Variants in NEB observed in about 807,000 individuals in gnomAD.
NEB encodes the protein nebulin, also known as nemaline myopathy type 2.
In NEB, 512 loss-of-function variants were observed where a neutral mutation model predicts 952.2. The observed-to-expected ratio is 0.54, with a 90% CI of 0.50 to 0.58. NEB has a LOEUF of 0.58. Among genes scored for constraint, NEB ranks in the 20% least tolerant of loss-of-function variants. The probability of loss-of-function intolerance (pLI) is 0.00; values close to 1 mark genes in which losing one functional copy is unlikely to be tolerated. For synonymous variants in NEB, 2,900 were observed against 3,149.8 expected (o/e 0.92, Z 2.66); for missense variants, 8,428 against 9,231.1 (o/e 0.91, Z 3.56).
Position 151,666,374 on chromosome 2 carries a change from C to A in NEB, c.4747G>T (p.Ala1583Ser). The change falls in exon 41 of 182, where the codon GCC becomes TCC. Residue 1583 changes from alanine to serine, a missense_variant. Physicochemically the swap from Ala to Ser is moderately conservative, Grantham distance 99 (BLOSUM62 1). Transcript: ENST00000397345. ...DCKYKEAYEK[A>S]KGKQVGFLSL... ...AGAAATCCAACTTGCTTGCCTTTGG[C>A]TTTCTCGTAGGCCTCCTTATATTTG... 6.2e-7 allele frequency: 1 copy of A among 1,613,770 alleles called. No individual in the cohort carries two copies. Among genetic ancestry groups the A allele is most frequent in the East Asian group, 2.2e-5 (1 of 44,862 alleles).
chr2:151,501,399 A>G lies in NEB; in HGVS notation c.24013T>C (p.Phe8005Leu). ...AGCTTTCTCCCAAATACCGAGCTAA[A>G]GTTTTCTTGATTGAGTTTGACTCGC... ...MERVKLNQENFSSVLYKENVG... is the reference protein window; with the variant it reads ...MERVKLNQENLSSVLYKENVG... Residue 8005 changes from phenylalanine to leucine, a missense_variant, in exon 168 of 182, where the codon TTT becomes CTT. Physicochemically the swap from Phe to Leu is conservative, Grantham distance 22. Transcript: ENST00000397345. 6.5e-7 allele frequency: 1 copy of G among 1,548,222 alleles called. No homozygotes were observed. The highest frequency in any genetic ancestry group is 8.7e-7 in the Non-Finnish European group (1 of 1,144,344).
chr2:151,694,754 GAA>G, intron 18 of NEB, 125 bp from the exon 19 acceptor site: 1 of 725,724 alleles, frequency 1.4e-6, no homozygotes, highest in Non-Finnish European at 2.3e-6. Context: ...TATTGTCTAG[GAA>G]ATCATGCATA....
intron 46 of NEB, 124 bp from the exon 47 acceptor site, chr2:151,659,293 A>G: frequency 1.8e-6 from 1 of 555,500 alleles, no homozygotes; most frequent in Non-Finnish European, 3.1e-6. Context: ...TAAATTAATT[A>G]ATTTATTTAT....
chr2:151,672,799 G>A, intron 36 of NEB, 119 bp from the exon 37 acceptor site: 1 of 904,380 alleles, frequency 1.1e-6, no homozygotes, highest in Non-Finnish European at 1.6e-6. Flanking sequence ...TACAAAAAAT[G>A]CAAACCACAA....
intron 165 of NEB, among the ~76,000 whole-genome samples, chr2:151,503,997 A>G (rs1034913028): frequency 1.3e-5 from 2 of 152,182 alleles, no homozygotes; most frequent in African/African-American, 4.8e-5. Context: ...TTTACTGCTA[A>G]TTGCTGGATC....
At chr2:151,486,992 T>A (rs922124982) in intron 181 of NEB, among the ~76,000 whole-genome samples, 3 of 152,206 alleles carry the variant, frequency 2.0e-5, no homozygotes, top group African/African-American at 7.2e-5. Flanking sequence ...GAAAAAAAGC[T>A]TAAAATCATT....
intron 9 of NEB, among the ~76,000 whole-genome samples, chr2:151,720,535 T>C (rs1257334444): frequency 1.3e-5 from 2 of 152,260 alleles, no homozygotes; most frequent in Non-Finnish European, 1.5e-5. Context: ...TATGTTCTCT[T>C]TCATTACATC....
At position 151,609,935 on chromosome 2, in the gene NEB, C is replaced by G; in HGVS notation, c.12204G>C (p.Leu4068Phe). 6.2e-7 allele frequency: 1 copy of G among 1,613,948 alleles called. No individual in the cohort carries two copies. The highest frequency in any genetic ancestry group is 2.2e-5 in the East Asian group (1 of 44,872). ...FSSPVDMLSI[L>F]LAKKCQTLVT... is the part of the protein sequence containing the mutation. ...CCAAAGTCTGACATTTCTTGGCCAG[C>G]AAGATGCTTAACATGTCCACTGGGC... Residue 4068 changes from leucine to phenylalanine, a missense_variant, in exon 81 of 182, where the codon TTG (leucine) becomes TTC (phenylalanine). Physicochemically the swap from Leu to Phe is conservative, Grantham distance 22 (BLOSUM62 0). Transcript: ENST00000397345.
intron 127 of NEB, 151 bp downstream of exon 127, chr2:151,553,247 G>A (rs1275165642): frequency 1.5e-6 from 1 of 656,836 alleles, no homozygotes; most frequent in East Asian, 2.7e-5. Context: ...GCCTTCCTGA[G>A]AGATGGTTGC....
At chr2:151,558,267 T>A (rs2095796761) in intron 124 of NEB, among the ~76,000 whole-genome samples, 1 of 152,150 alleles carries the variant, frequency 6.6e-6, no homozygotes, top group African/African-American at 2.4e-5. Flanking sequence ...CATTCACAAC[T>A]GCTACAAAGA....
intron 10 of NEB, among the ~76,000 whole-genome samples, chr2:151,715,648 T>A (rs878963816): frequency 2.0e-5 from 3 of 152,098 alleles, no homozygotes; most frequent in Admixed American, 2.0e-4. Context: ...CAGGAAGGGG[T>A]CTCTCACCAG....
At chr2:151,547,396 A>G in intron 133 of NEB, 33 bp downstream of exon 133, 1 of 1,505,398 alleles carries the variant, frequency 6.6e-7, no homozygotes, top group Non-Finnish European at 9.1e-7. Context: ...TCTTGGTAAG[A>G]CTACTCCAGA....
chr2:151,565,662 A>C, intron 115 of NEB, 54 bp downstream of exon 115: 1 of 1,568,254 alleles, frequency 6.4e-7, no homozygotes, highest in Non-Finnish European at 8.7e-7. Flanking sequence ...ATCTACCCCA[A>C]CATGGCAGGT....
chr2:151,655,982 A>G lies in NEB; in HGVS notation c.6537T>C (p.Leu2179=). The G allele has an allele frequency of 6.2e-7, 1 of 1,613,756 alleles. No homozygotes were observed. The highest frequency in any genetic ancestry group is 8.5e-7 in the Non-Finnish European group (1 of 1,179,768). Residue 2179 remains leucine (L), a synonymous_variant, in exon 50 of 182, where the codon CTT becomes CTC. Transcript: ENST00000397345. ...CCAGAGAACCTGCTGGACTCCAGCC[A>G]AGCCCTTTGTACCATTCATTGTAAT... The part of the protein sequence containing the change: ...KQDYNEWYKG[L]GWSPAGSLEV...
chr2:151,574,307 A>C (rs1011970920), intron 107 of NEB, among the ~76,000 whole-genome samples: 7 of 152,208 alleles, frequency 4.6e-5, no homozygotes, highest in Non-Finnish European at 7.3e-5. Flanking sequence ...ATTAGCATCA[A>C]TGAGAATCTC....
intron 178 of NEB, 51 bp downstream of exon 178, chr2:151,492,047 T>C: frequency 6.4e-7 from 1 of 1,566,568 alleles, no homozygotes; most frequent in Non-Finnish European, 8.8e-7. Context: ...CTTTTGTTCT[T>C]CTACCCCCTC....
chr2:151,716,460 A>G (rs936588643), intron 10 of NEB, among the ~76,000 whole-genome samples: 2 of 152,164 alleles, frequency 1.3e-5, no homozygotes, highest in African/African-American at 4.8e-5. Flanking sequence ...TCAATGGATC[A>G]TGTATTTATG....
At chr2:151,609,724 G>A (rs2097873411) in intron 81 of NEB, 85 bp downstream of exon 81, 3 of 1,346,766 alleles carry the variant, frequency 2.2e-6, no homozygotes, top group African/African-American at 1.5e-5. Flanking sequence ...GCACAGCCCA[G>A]GGGACTGTCC....
chr2:151,516,451 T>G lies in NEB; in HGVS notation c.22905+8A>C. 6.3e-7 allele frequency: 1 copy of G among 1,593,544 alleles called. No homozygotes were observed. Among genetic ancestry groups the G allele is most frequent in the East Asian group, 2.2e-5 (1 of 44,728 alleles). ...TCATTGTTGTGTGGTGTGGTTTTTT[T>G]GACTTACCCCACTCTGCATCTGCTG... On this transcript the variant is annotated splice_region_variant and intron_variant, in intron 157 of 181. Coordinates refer to ENST00000397345, the MANE Select transcript of NEB (RefSeq NM_001164508.2).
Sources: allele counts gnomAD v4.1 joint callset (sites outside exome capture counted in the v4.1 genomes callset), GRCh38; gene constraint gnomAD v4.1.1; transcripts MANE v1.5; gene names NCBI Gene and HGNC (gene_info 2026-07-23, HGNC 2026-07-21).